The following PPP4R3C variants were observed in gnomAD, a reference collection of about 807,000 sequenced individuals.
PPP4R3C encodes protein phosphatase 4 regulatory subunit 3C.
For missense variants in PPP4R3C, 372 were observed against 237.3 expected (o/e 1.57, Z -3.73); for synonymous variants, 150 against 86.5 (o/e 1.73, Z -4.07).
rs1181491145 is a variant in PPP4R3C, at chrX:27,463,248, C to T, written c.49G>A (p.Glu17Lys). The T allele has an allele frequency of 3.9e-6, 2 of 512,988 alleles. No individual in the cohort carries two copies. Among genetic ancestry groups the T allele is most frequent in the Non-Finnish European group, 7.0e-6 (2 of 286,677 alleles). 42.3% of individuals were successfully genotyped at this position (512,988 alleles called of 1,213,427 possible). ...SVKVYVLNED[E>K]EWNNLGTGQV... ...CCGGTGCCTAGATTGTTCCATTCCT[C>T]GTCTTCGTTCAGGACATAGACTTTT... is the stretch of plus-strand genomic sequence containing the variant. Residue 17 changes from glutamate (E) to lysine (K), a missense_variant, in exon 1 of 1, where the codon GAG becomes AAG. By Grantham distance (56) the Glu-to-Lys change is moderately conservative (BLOSUM62 1). Transcript: ENST00000412172.
Position 27,461,955 on chromosome X carries a change from G to C in PPP4R3C, c.1342C>G (p.Arg448Gly). ...MVVLHTLLDP[R>G]NMLTTPEKSE... is the part of the protein sequence containing the mutation. Reference sequence around the variant, plus strand: ...TTCTCAGGTGTTGTCAGCATGTTGCGTGGATCAAGTAGAGTATGCAGAACT... The same window carrying C: ...TTCTCAGGTGTTGTCAGCATGTTGCCTGGATCAAGTAGAGTATGCAGAACT... The change falls in exon 1 of 1, where the codon CGC becomes GGC. Residue 448 changes from arginine (R) to glycine (G), a missense_variant. Physicochemically the swap from Arg to Gly is moderately radical, Grantham distance 125 (BLOSUM62 -2). Transcript: ENST00000412172. The C allele has an allele frequency of 1.9e-6, 1 of 518,803 alleles. No individual in the cohort carries two copies. The allele number at this position is 518,803 out of a possible 1,213,427, so 42.8% of individuals were successfully genotyped here. A position where few individuals can be genotyped will look rare whatever the true frequency, so the allele number is the denominator to read the frequency against.
At position 27,461,970 on chromosome X, in the gene PPP4R3C, T is replaced by C; in HGVS notation, c.1327A>G (p.Thr443Ala). 1.9e-6 allele frequency: 1 copy of C among 523,500 alleles called. No individual in the cohort carries two copies. Among genetic ancestry groups the C allele is most frequent in the Non-Finnish European group, 3.4e-6 (1 of 290,804 alleles). The allele number at this position is 523,500 out of a possible 1,213,427, so 43.1% of individuals were successfully genotyped here. ...GAVHLMVVLHTLLDPRNMLTT... is the reference protein window; with the variant it reads ...GAVHLMVVLHALLDPRNMLTT... ...AGCATGTTGCGTGGATCAAGTAGAG[T>C]ATGCAGAACTACCATCAAATGAACA... The change falls in exon 1 of 1, where the codon ACT (threonine) becomes GCT (alanine). Residue 443 changes from threonine to alanine, a missense_variant. Coordinates refer to ENST00000412172, the MANE Select transcript of PPP4R3C (RefSeq NM_207319.4).
chrX:27,463,237 G>A lies in PPP4R3C; in HGVS notation c.60C>T (p.Asn20=), dbSNP rs1431311828. The stretch of plus-strand genomic sequence containing the variant: ...ATGAGACCTGACCGGTGCCTAGATT[G>A]TTCCATTCCTCGTCTTCGTTCAGGA... ...VYVLNEDEEW[N]NLGTGQVSST... The change falls in exon 1 of 1, where the codon AAC becomes AAT. Residue 20 remains asparagine, a synonymous_variant. Coordinates refer to ENST00000412172, the MANE Select transcript of PPP4R3C (RefSeq NM_207319.4). 2 of 515,021 alleles carry A rather than the reference G, an allele frequency of 3.9e-6. No homozygotes were observed. Among genetic ancestry groups the A allele is most frequent in the Non-Finnish European group, 7.0e-6 (2 of 286,986 alleles). The allele number at this position is 515,021 out of a possible 1,213,427, so 42.4% of individuals were successfully genotyped here. A position where few individuals can be genotyped will look rare whatever the true frequency, so the allele number is the denominator to read the frequency against.
chrX:27,463,041 C>G lies in PPP4R3C; in HGVS notation c.256G>C (p.Asp86His). 3.9e-6 allele frequency: 2 copies of G among 514,914 alleles called. No homozygotes were observed. The highest frequency in any genetic ancestry group is 7.0e-6 in the Non-Finnish European group (2 of 286,994). 42.4% of individuals were successfully genotyped at this position (514,914 alleles called of 1,213,427 possible). Residue 86 changes from aspartate (D) to histidine (H), a missense_variant, in exon 1 of 1, where the codon GAC becomes CAC. Asp to His is a moderately conservative substitution (Grantham distance 81). Coordinates refer to ENST00000412172, the MANE Select transcript of PPP4R3C (RefSeq NM_207319.4). ...ENQGLVLKFQ[D>H]PAGCQDIWKE... Reference sequence around the variant, plus strand: ...CAAATATCCTGGCAGCCGGCTGGGTCCTGGAATTTTAGCACCAAACCCTGG... The same window carrying G: ...CAAATATCCTGGCAGCCGGCTGGGTGCTGGAATTTTAGCACCAAACCCTGG...
Position 27,461,465 on chromosome X carries a change from C to T in PPP4R3C, c.1832G>A (p.Arg611Lys), listed in dbSNP as rs1922963512. Residue 611 changes from arginine to lysine, a missense_variant, in exon 1 of 1, where the codon AGA (arginine) becomes AAA (lysine). Physicochemically the swap from Arg to Lys is conservative, Grantham distance 26. Transcript: ENST00000412172. ...SAILELFEYIRVENIKPLVSH... is the reference protein window; with the variant it reads ...SAILELFEYIKVENIKPLVSH... ...AACAAGAGGCTTGATATTTTCCACT[C>T]TTATGTATTCAAATAGCTCAAGAAT... 3.9e-6 allele frequency: 2 copies of T among 516,715 alleles called. No homozygotes were observed. The allele number at this position is 516,715 out of a possible 1,213,427, so 42.6% of individuals were successfully genotyped here. A position where few individuals can be genotyped will look rare whatever the true frequency, so the allele number is the denominator to read the frequency against.
In PPP4R3C at chrX:27,461,916, C is replaced by G; in HGVS notation, c.1381G>C (p.Glu461Gln). ...LTTPEKSERS[E>Q]FLHFFYKHCM... ...TGTTTGTAGAAGAAATGTAGAAATT[C>G]ACTTCTTTCACTTTTCTCAGGTGTT... The change falls in exon 1 of 1, where the codon GAA becomes CAA. Residue 461 changes from glutamate (E) to glutamine (Q), a missense_variant. Glu to Gln is a conservative substitution (Grantham distance 29). Coordinates refer to ENST00000412172, the MANE Select transcript of PPP4R3C (RefSeq NM_207319.4). 1 of 514,804 alleles carries G rather than the reference C, an allele frequency of 1.9e-6. No homozygotes were observed. The highest frequency in any genetic ancestry group is 2.3e-5 in the African/African-American group (1 of 43,802). The allele number at this position is 514,804 out of a possible 1,213,427, so 42.4% of individuals were successfully genotyped here.
rs938730757 is a variant in PPP4R3C, at chrX:27,462,814, T to G, written c.483A>C (p.Arg161Ser). 12 of 514,101 alleles carry G rather than the reference T, an allele frequency of 2.3e-5. No individual in the cohort carries two copies. The highest frequency in any genetic ancestry group is 3.5e-5 in the Non-Finnish European group (10 of 286,964). The allele number at this position is 514,101 out of a possible 1,213,427, so 42.4% of individuals were successfully genotyped here. A position where few individuals can be genotyped will look rare whatever the true frequency, so the allele number is the denominator to read the frequency against. ...VFSSPVTDRE[R>S]LAEILKNEAY... is the part of the protein sequence containing the mutation. ...CCTCATTTTTCAAGATCTCAGCCAG[T>G]CTTTCCCTATCCGTAACAGGTGACG... The change falls in exon 1 of 1, where the codon AGA (arginine) becomes AGC (serine). Residue 161 changes from arginine (R) to serine (S), a missense_variant. Coordinates refer to ENST00000412172, the MANE Select transcript of PPP4R3C (RefSeq NM_207319.4).
Position 27,462,215 on chromosome X carries a change from T to C in PPP4R3C, c.1082A>G (p.Gln361Arg), listed in dbSNP as rs1569128109. 1 of 514,985 alleles carries C rather than the reference T, an allele frequency of 1.9e-6. No individual in the cohort carries two copies. The highest frequency in any genetic ancestry group is 2.3e-5 in the African/African-American group (1 of 43,874). 42.4% of individuals were successfully genotyped at this position (514,985 alleles called of 1,213,427 possible). A position where few individuals can be genotyped will look rare whatever the true frequency, so the allele number is the denominator to read the frequency against. ...TTTAAGAGCAGGAAGAACTCCCAAC[T>C]GTATCAACGTTTCAAATAGTGCATC... Reference protein sequence around the residue: ...SKDALFETLIQLGVLPALKIV... With the variant: ...SKDALFETLIRLGVLPALKIV... Residue 361 changes from glutamine (Q) to arginine (R), a missense_variant, in exon 1 of 1, where the codon CAG becomes CGG. Physicochemically the swap from Gln to Arg is conservative, Grantham distance 43. Coordinates refer to ENST00000412172, the MANE Select transcript of PPP4R3C (RefSeq NM_207319.4).
At position 27,461,794 on chromosome X, in the gene PPP4R3C, G is replaced by T. The variant is rs774300853; in HGVS notation, c.1503C>A (p.Cys501Ter). Residue 501 changes from cysteine to a stop codon, truncating the protein, a stop_gained, in exon 1 of 1, where the codon TGC becomes TGA. Transcript: ENST00000412172. LOFTEE classifies it low-confidence loss of function (END_TRUNC). ...GTTGTGCTGTTTGATTATCATTGGG[G>T]CAATTTTTGCTTTTGTCATATCCAG... Reference protein sequence around the residue: ...DIAGYDKSKNCPNDNQTAQLL... With the variant: ...DIAGYDKSKN 1 of 513,639 alleles carries T rather than the reference G, an allele frequency of 1.9e-6. No homozygotes were observed. The highest frequency in any genetic ancestry group is 2.3e-5 in the African/African-American group (1 of 43,388). 42.3% of individuals were successfully genotyped at this position (513,639 alleles called of 1,213,427 possible).
rs1460389911 is a variant in PPP4R3C at position 27,462,287 on chromosome X, A to G, written c.1010T>C (p.Phe337Ser). 2.5e-5 allele frequency: 13 copies of G among 511,445 alleles called. No homozygotes were observed. The highest frequency in any genetic ancestry group is 3.8e-5 in the Non-Finnish European group (11 of 285,774). The allele number at this position is 511,445 out of a possible 1,213,427, so 42.1% of individuals were successfully genotyped here. Reference sequence around the variant, plus strand: ...CTGAGAAAATGAACATAACTCCTTGAAAAAAAATAGCAATTCACACCGTCT... The same window carrying G: ...CTGAGAAAATGAACATAACTCCTTGGAAAAAAATAGCAATTCACACCGTCT... ...DDRRCELLFF[F>S]KELCSFSQAL... The change falls in exon 1 of 1, where the codon TTC becomes TCC. Residue 337 changes from phenylalanine to serine, a missense_variant. Physicochemically the swap from Phe to Ser is radical, Grantham distance 155 (BLOSUM62 -2). Coordinates refer to ENST00000412172, the MANE Select transcript of PPP4R3C (RefSeq NM_207319.4).
At position 27,462,868 on chromosome X, in the gene PPP4R3C, T is replaced by C. The variant is rs1174689089; in HGVS notation, c.429A>G (p.Gln143=). The C allele has an allele frequency of 3.9e-6, 2 of 515,163 alleles. No individual in the cohort carries two copies. The highest frequency in any genetic ancestry group is 7.2e-5 in the East Asian group (2 of 27,721). The allele number at this position is 515,163 out of a possible 1,213,427, so 42.5% of individuals were successfully genotyped here. The part of the protein sequence containing the change: ...LPDCELNTLD[Q]IADIVTSVFS... ...AAACTGAGGTAACTATGTCAGCAATTTGATCAAGTGTATTGAGTTCACAGT... is the reference window on the plus strand; with the variant it reads ...AAACTGAGGTAACTATGTCAGCAATCTGATCAAGTGTATTGAGTTCACAGT... Residue 143 remains glutamine (Q), a synonymous_variant, in exon 1 of 1, where the codon CAA becomes CAG. Transcript: ENST00000412172.
Position 27,461,569 on chromosome X carries a change from G to A in PPP4R3C, c.1728C>T (p.Ile576=), listed in dbSNP as rs1922966530. 1 of 516,285 alleles carries A rather than the reference G, an allele frequency of 1.9e-6. No homozygotes were observed. The highest frequency in any genetic ancestry group is 2.5e-5 in the South Asian group (1 of 40,446). The allele number at this position is 516,285 out of a possible 1,213,427, so 42.5% of individuals were successfully genotyped here. Residue 576 remains isoleucine, a synonymous_variant, in exon 1 of 1, where the codon ATC becomes ATT. Coordinates refer to ENST00000412172, the MANE Select transcript of PPP4R3C (RefSeq NM_207319.4). The part of the protein sequence containing the change: ...CLNDEAYNNY[I]IKGNLFEPVV... The stretch of plus-strand genomic sequence containing the variant: ...CTGGCTCAAAAAGATTTCCCTTGAT[G>A]ATGTAATTATTATAAGCTTCATCAT...
Position 27,462,811 on chromosome X carries a change from C to T in PPP4R3C, c.486G>A (p.Leu162=). 1 of 515,491 alleles carries T rather than the reference C, an allele frequency of 1.9e-6. No individual in the cohort carries two copies. Among genetic ancestry groups the T allele is most frequent in the Admixed American group, 2.6e-5 (1 of 37,968 alleles). The allele number at this position is 515,491 out of a possible 1,213,427, so 42.5% of individuals were successfully genotyped here. A position where few individuals can be genotyped will look rare whatever the true frequency, so the allele number is the denominator to read the frequency against. Reference sequence around the variant, plus strand: ...AAGCCTCATTTTTCAAGATCTCAGCCAGTCTTTCCCTATCCGTAACAGGTG... The same window carrying T: ...AAGCCTCATTTTTCAAGATCTCAGCTAGTCTTTCCCTATCCGTAACAGGTG... ...FSSPVTDRER[L]AEILKNEAYI... Residue 162 remains leucine, a synonymous_variant, in exon 1 of 1, where the codon CTG becomes CTA. Coordinates refer to ENST00000412172, the MANE Select transcript of PPP4R3C (RefSeq NM_207319.4).
rs1478314167 is a variant in PPP4R3C at position 27,460,237 on chromosome X, G to T, written c.*561C>A. The T allele has an allele frequency of 8.9e-6, 1 of 112,063 alleles. No individual in the cohort carries two copies. The highest frequency in any genetic ancestry group is 1.9e-5 in the Non-Finnish European group (1 of 53,254). 9.2% of individuals were successfully genotyped at this position (112,063 alleles called of 1,213,427 possible). A position where few individuals can be genotyped will look rare whatever the true frequency, so the allele number is the denominator to read the frequency against. On this transcript the variant is annotated 3_prime_UTR_variant, in exon 1 of 1. Transcript: ENST00000412172. ...AATCCAGCTTGCTTTTTTAATGAAT[G>T]AAAGTACACTCTGAAAGCTACTTCC... is the stretch of plus-strand genomic sequence containing the variant.
Position 27,462,899 on chromosome X carries a change from A to G in PPP4R3C, c.398T>C (p.Leu133Pro), listed in dbSNP as rs1364791467. Residue 133 changes from leucine (L) to proline (P), a missense_variant, in exon 1 of 1, where the codon CTG becomes CCG. Transcript: ENST00000412172. The stretch of plus-strand genomic sequence containing the variant: ...AAGTGTATTGAGTTCACAGTCAGGC[A>G]GCACAACCATATTACTAATTACTGA... ...EMSVISNMVV[L>P]PDCELNTLDQ... 1.9e-6 allele frequency: 1 copy of G among 513,582 alleles called. No homozygotes were observed. The highest frequency in any genetic ancestry group is 2.3e-5 in the African/African-American group (1 of 43,272). 42.3% of individuals were successfully genotyped at this position (513,582 alleles called of 1,213,427 possible). A position where few individuals can be genotyped will look rare whatever the true frequency, so the allele number is the denominator to read the frequency against.
Position 27,463,248 on chromosome X carries a change from C to CTAT in PPP4R3C, c.48_49insATA (p.Asp16_Glu17insIle), listed in dbSNP as rs1569128384. 1.9e-6 allele frequency: 1 copy of CTAT among 514,816 alleles called. No homozygotes were observed. Among genetic ancestry groups the CTAT allele is most frequent in the East Asian group, 3.6e-5 (1 of 27,708 alleles). The allele number at this position is 514,816 out of a possible 1,213,427, so 42.4% of individuals were successfully genotyped here. A position where few individuals can be genotyped will look rare whatever the true frequency, so the allele number is the denominator to read the frequency against. ...CCGGTGCCTAGATTGTTCCATTCCT[C>CTAT]GTCTTCGTTCAGGACATAGACTTTT... On this transcript the variant is annotated inframe_insertion, in exon 1 of 1. Transcript: ENST00000412172.
chrX:27,463,186 G>A lies in PPP4R3C; in HGVS notation c.111C>T (p.Gly37=). The A allele has an allele frequency of 1.9e-6, 1 of 514,967 alleles. No homozygotes were observed. The highest frequency in any genetic ancestry group is 3.5e-6 in the Non-Finnish European group (1 of 287,024). 42.4% of individuals were successfully genotyped at this position (514,967 alleles called of 1,213,427 possible). The stretch of plus-strand genomic sequence containing the variant: ...AATCTGACCGAACAAGCAGCGACAT[G>A]CCCTGGAACTGCTCGTCATAGGTGG... ...VSSTYDEQFQ[G]MSLLVRSDSD... is the part of the protein sequence containing the mutation. Residue 37 remains glycine (G), a synonymous_variant, in exon 1 of 1, where the codon GGC becomes GGT. Transcript: ENST00000412172.
In PPP4R3C at chrX:27,460,879, T is replaced by C. The variant is rs1922945891; in HGVS notation, c.2418A>G (p.Glu806=). ...RLVDHPDDEE[E]KEEDEEEKEE... is the part of the protein sequence containing the mutation. ...CTTTTTCTTCTTCATCTTCCTCTTTTTCTTCTTCATCATCTGGATGATCCA... is the reference window on the plus strand; with the variant it reads ...CTTTTTCTTCTTCATCTTCCTCTTTCTCTTCTTCATCATCTGGATGATCCA... Residue 806 remains glutamate, a synonymous_variant, in exon 1 of 1, where the codon GAA becomes GAG. Transcript: ENST00000412172. The C allele has an allele frequency of 3.9e-6, 2 of 514,047 alleles. No individual in the cohort carries two copies. The highest frequency in any genetic ancestry group is 5.3e-5 in the Admixed American group (2 of 37,656). 42.4% of individuals were successfully genotyped at this position (514,047 alleles called of 1,213,427 possible).
rs1223553071 is a variant in PPP4R3C at position 27,460,743 on chromosome X, T to A, written c.*55A>T. The A allele has an allele frequency of 2.2e-6, 1 of 445,258 alleles. No individual in the cohort carries two copies. Among genetic ancestry groups the A allele is most frequent in the African/African-American group, 2.4e-5 (1 of 41,224 alleles). The allele number at this position is 445,258 out of a possible 1,213,427, so 36.7% of individuals were successfully genotyped here. On this transcript the variant is annotated 3_prime_UTR_variant, in exon 1 of 1. Coordinates refer to ENST00000412172, the MANE Select transcript of PPP4R3C (RefSeq NM_207319.4). ...TTGTGGAATCAGTCTTTTTAGCTTATGGACGTTTATAGAATTTTTGTTGAG... is the reference window on the plus strand; with the variant it reads ...TTGTGGAATCAGTCTTTTTAGCTTAAGGACGTTTATAGAATTTTTGTTGAG...
Sources: gnomAD v4.1 joint callset for allele counts on GRCh38, gnomAD v4.1.1 for gene constraint, MANE v1.5 for transcripts, NCBI Gene and HGNC (gene_info 2026-07-23, HGNC 2026-07-21) for gene names.